Variants in GHR observed in about 807,000 individuals in gnomAD.
GHR encodes growth hormone receptor.
A neutral mutation model predicts 67.1 loss-of-function variants in GHR; 35 were observed. The observed-to-expected ratio is 0.52, with a 90% CI of 0.40 to 0.69. The LOEUF (loss-of-function observed/expected upper bound fraction) is 0.69, where lower values mean the gene tolerates loss of function less well. GHR is among the 30% of genes least tolerant of loss of function. The probability of loss-of-function intolerance (pLI) is 0.00; values close to 1 mark genes in which losing one functional copy is unlikely to be tolerated. For synonymous variants in GHR, 272 were observed against 269.1 expected, an observed-to-expected ratio of 1.01 and a Z score of -0.10; for missense variants, 792 against 764.6, an observed-to-expected ratio of 1.04 and a Z score of -0.42.
chr5:42,579,074 TATAGATAG>T (rs6149005), intron 2 of GHR, among the ~76,000 whole-genome samples: 15,153 of 123,298 alleles, frequency 0.12, 1,129 homozygotes, highest in East Asian at 0.18. Context: ...AATCTGACAC[TATAGATAG>T]ATAGATAGAT....
intron 2 of GHR, among the ~76,000 whole-genome samples, chr5:42,607,417 T>C (rs1016398330): frequency 1.2e-4 from 18 of 152,204 alleles, no homozygotes; most frequent in African/African-American, 3.9e-4. Flanking sequence ...TGGGTGGTGC[T>C]ATTGGTGTGA....
chr5:42,700,573 C>A (rs1454173016), intron 6 of GHR, among the ~76,000 whole-genome samples: 2 of 152,144 alleles, frequency 1.3e-5, no homozygotes, highest in Non-Finnish European at 2.9e-5. Context: ...CTCTTCCTTA[C>A]CAAGCATATG....
chr5:42,649,843 A>G (rs1179101215), intron 3 of GHR, among the ~76,000 whole-genome samples: 2 of 152,224 alleles, frequency 1.3e-5, no homozygotes, highest in Non-Finnish European at 2.9e-5. Flanking sequence ...CCCTAAAACA[A>G]GGATTTGGTT....
intron 2 of GHR, among the ~76,000 whole-genome samples, chr5:42,602,509 A>T (rs912302649): frequency 3.9e-5 from 6 of 152,116 alleles, no homozygotes; most frequent in African/African-American, 1.4e-4. Flanking sequence ...GACCATTTAC[A>T]ATTTAAGTAA....
At chr5:42,600,971 G>A (rs866663951) in intron 2 of GHR, among the ~76,000 whole-genome samples, 3 of 117,636 alleles carry the variant, frequency 2.6e-5, no homozygotes, top group African/African-American at 3.4e-5. Context: ...TTGATGCCCA[G>A]GCTGGAGTGC....
intron 3 of GHR, among the ~76,000 whole-genome samples, chr5:42,667,650 C>A (rs980452736): frequency 1.3e-5 from 2 of 152,138 alleles, no homozygotes; most frequent in African/African-American, 2.4e-5. Context: ...AGAAGGAGGC[C>A]TTAGCTAGCG....
chr5:42,539,007 G>A (rs1482315796), intron 1 of GHR, among the ~76,000 whole-genome samples: 1 of 151,942 alleles, frequency 6.6e-6, no homozygotes, highest in African/African-American at 2.4e-5. Context: ...CTATAAGCTT[G>A]TCCAATGTTT....
At chr5:42,467,845 G>T in intron 1 of GHR, 2 of 1,035,906 alleles carry the variant, frequency 1.9e-6, no homozygotes, top group South Asian at 1.5e-5. Flanking sequence ...TGTTAACAGT[G>T]TCAGAATTAA....
intron 1 of GHR, among the ~76,000 whole-genome samples, chr5:42,455,986 A>G (rs1047243843): frequency 6.6e-6 from 1 of 152,224 alleles, no homozygotes; most frequent in Non-Finnish European, 1.5e-5. Flanking sequence ...CTTTGGCTGT[A>G]TATTAGAATT....
chr5:42,571,969 T>G (rs1173109487), intron 2 of GHR, among the ~76,000 whole-genome samples: 3 of 152,222 alleles, frequency 2.0e-5, no homozygotes, highest in African/African-American at 7.2e-5. Context: ...GAAGTCCATG[T>G]TGGCCTTTAC....
In GHR at chr5:42,688,904, C is replaced by G; in HGVS notation, c.151C>G (p.Pro51Ala). The change falls in exon 4 of 10, where the codon CCT becomes GCT. Residue 51 changes from proline (P) to alanine (A), a missense_variant. Transcript: ENST00000230882. The stretch of plus-strand genomic sequence containing the variant: ...TTATTCTGCAGATTCTTCTAAGGAG[C>G]CTAAATTCACCAAGTGCCGTTCACC... ...PGLKTNSSKE[P>A]KFTKCRSPER... 3 of 1,613,742 alleles carry G rather than the reference C, an allele frequency of 1.9e-6. No individual in the cohort carries two copies. The highest frequency in any genetic ancestry group is 8.5e-7 in the Non-Finnish European group (1 of 1,179,714).
Position 42,718,698 on chromosome 5 carries a change from T to C in GHR, c.1191T>C (p.Thr397=). ...GTTGTGAACCTGACATTCTGGAGAC[T>C]GATTTCAATGCCAATGACATACATG... ...TSCCEPDILE[T]DFNANDIHEG... The change falls in exon 10 of 10, where the codon ACT becomes ACC. Residue 397 remains threonine (T), a synonymous_variant. Transcript: ENST00000230882. 1 of 1,614,204 alleles carries C rather than the reference T, an allele frequency of 6.2e-7. No individual in the cohort carries two copies. The highest frequency in any genetic ancestry group is 2.2e-5 in the East Asian group (1 of 44,890).
chr5:42,495,416 T>C (rs1746282342), intron 1 of GHR, among the ~76,000 whole-genome samples: 1 of 152,124 alleles, frequency 6.6e-6, no homozygotes, highest in Admixed American at 6.5e-5. Flanking sequence ...TCCACCAGGA[T>C]TACAATCATT....
intron 1 of GHR, among the ~76,000 whole-genome samples, chr5:42,429,912 A>T (rs916147727): frequency 4.6e-5 from 7 of 152,242 alleles, no homozygotes; most frequent in Admixed American, 2.0e-4. Context: ...GTTCTGCCAA[A>T]GTCCCAGAGA....
intron 3 of GHR, chr5:42,646,255 C>A: frequency 2.3e-6 from 1 of 429,246 alleles, no homozygotes; most frequent in South Asian, 1.7e-5. Flanking sequence ...AGAAGTTGAC[C>A]TCATAGCTGA....
chr5:42,642,164 A>T (rs969025244), intron 3 of GHR, among the ~76,000 whole-genome samples: 2 of 152,190 alleles, frequency 1.3e-5, no homozygotes, highest in Non-Finnish European at 2.9e-5. Flanking sequence ...AAGGGCAAGA[A>T]GTCATAGAAG....
chr5:42,432,176 T>C (rs1221072969), intron 1 of GHR, among the ~76,000 whole-genome samples: 1 of 152,250 alleles, frequency 6.6e-6, no homozygotes, highest in Admixed American at 6.5e-5. Flanking sequence ...GAATACAGTA[T>C]ATTAAACAAG....
At chr5:42,480,816 G>A (rs183537750) in intron 1 of GHR, among the ~76,000 whole-genome samples, 19 of 152,220 alleles carry the variant, frequency 1.2e-4, no homozygotes, top group East Asian at 3.9e-4. Context: ...AATACAGCAC[G>A]CTGATGGGTC....
chr5:42,522,921 A>T (rs1266752680), intron 1 of GHR, among the ~76,000 whole-genome samples: 1 of 152,214 alleles, frequency 6.6e-6, no homozygotes, highest in Non-Finnish European at 1.5e-5. Context: ...ATGCAAGATA[A>T]TAGAGGAGAC....
Sources: gnomAD v4.1 joint callset for allele counts (sites outside exome capture counted in the v4.1 genomes callset) on GRCh38, gnomAD v4.1.1 for gene constraint, MANE v1.5 for transcripts, NCBI Gene and HGNC (gene_info 2026-07-23, HGNC 2026-07-21) for gene names.